The following ABHD2 variants were observed in gnomAD, a reference collection of about 807,000 sequenced individuals.
ABHD2 encodes abhydrolase domain containing 2, acylglycerol lipase, also known as monoacylglycerol lipase ABHD2.
Under a neutral mutation model 48.1 loss-of-function variants are expected in ABHD2, and 20 were observed. The ratio of observed to expected loss-of-function variants is 0.42; its 90% CI spans 0.29 to 0.60. The LOEUF (loss-of-function observed/expected upper bound fraction) is 0.60. Ranked by LOEUF, ABHD2 falls within the 20% of genes least tolerant of loss-of-function variation. The pLI is 0.24. For missense variants in ABHD2, 405 were observed against 550.9 expected, an observed-to-expected ratio of 0.74 and a Z score of 2.65; for synonymous variants, 209 against 214.2, an observed-to-expected ratio of 0.98 and a Z score of 0.21.
In ABHD2 at chr15:89,174,280, T is replaced by TA. The variant is rs2050975294; in HGVS notation, c.539-1531dup. On this transcript the variant is annotated intron_variant, in intron 5 of 10. Transcript: ENST00000352732. The surrounding 1 kb of genome is among the most constrained non-coding windows in gnomAD (Gnocchi z 4.1). Reference sequence around the variant, plus strand: ...ATTTTTAAAAAGAATATAGGAAACTTACCTTTCACTCCATCTTTTACAGCA... The same window carrying TA: ...ATTTTTAAAAAGAATATAGGAAACTTAACCTTTCACTCCATCTTTTACAGCA... Among the ~76,000 whole-genome samples the TA allele has an allele frequency of 6.6e-6, 1 of 152,200 alleles. No homozygotes were observed. Among genetic ancestry groups the TA allele is most frequent in the African/African-American group, 2.4e-5 (1 of 41,442 alleles).
chr15:89,156,348 C>A (rs1432268188), intron 5 of ABHD2, among the ~76,000 whole-genome samples: 1 of 151,960 alleles, frequency 6.6e-6, no homozygotes, highest in African/African-American at 2.4e-5. Context: ...GTCTCGATCT[C>A]CTGACCTCGT....
the ABHD2 span, among the ~76,000 whole-genome samples, chr15:89,077,940 T>A: frequency 6.6e-6 from 1 of 152,278 alleles, no homozygotes; most frequent in Admixed American, 6.5e-5. Context: ...AAACTCAGCC[T>A]CTCCCCTGCT....
At chr15:89,074,369 C>G in the ABHD2 span, among the ~76,000 whole-genome samples, 122 of 150,966 alleles carry the variant, frequency 8.1e-4, 1 homozygote, top group African/African-American at 2.9e-3. Flanking sequence ...GAGCGAAACT[C>G]CATCTGAAAA....
chr15:89,150,762 G>A (rs919936464), intron 3 of ABHD2, among the ~76,000 whole-genome samples: 20 of 152,262 alleles, frequency 1.3e-4, no homozygotes, highest in African/African-American at 2.4e-4. Context: ...AATGATTGAC[G>A]TCACTATCAT....
intron 1 of ABHD2, among the ~76,000 whole-genome samples, chr15:89,099,402 C>G (rs1168789357): frequency 6.6e-6 from 1 of 151,926 alleles, no homozygotes; most frequent in Admixed American, 6.6e-5. Flanking sequence ...TAGTTGGAGA[C>G]CAGCCTGGAA....
chr15:89,106,784 G>A lies in ABHD2; in HGVS notation c.-106-6941G>A, dbSNP rs2049793118. Among the ~76,000 whole-genome samples, 1 of 152,150 alleles carries A rather than the reference G, an allele frequency of 6.6e-6. No individual in the cohort carries two copies. The highest frequency in any genetic ancestry group is 2.1e-4 in the South Asian group (1 of 4,836). On this transcript the variant is annotated intron_variant, in intron 1 of 10. Transcript: ENST00000352732. This position sits in a 1 kb window ranked among gnomAD's most constrained non-coding sequence, Gnocchi z 4.2. ...TGACCACTTTTATCTGGTGTAGCAA[G>A]TTCAATAGTGACCCTCCAAAATTTA...
intron 3 of ABHD2, among the ~76,000 whole-genome samples, chr15:89,142,884 A>C (rs900617892): frequency 6.6e-6 from 1 of 152,184 alleles, no homozygotes; most frequent in Non-Finnish European, 1.5e-5. Flanking sequence ...GGAGGGGTTG[A>C]ACCCAGTGAC....
chr15:89,048,908 A>ATCCTCCGTCCAGC, the ABHD2 span, among the ~76,000 whole-genome samples: 1 of 122,358 alleles, frequency 8.2e-6, no homozygotes, highest in Non-Finnish European at 1.7e-5. Flanking sequence ...CGTCAAAGTC[A>ATCCTCCGTCCAGC]TTTGTTCCGT....
rs2050849828 is a variant in ABHD2, at chr15:89,167,129, C to T, written c.539-8683C>T. Among the ~76,000 whole-genome samples the T allele has an allele frequency of 6.6e-6, 1 of 152,190 alleles. No homozygotes were observed. The highest frequency in any genetic ancestry group is 1.5e-5 in the Non-Finnish European group (1 of 68,036). Reference sequence around the variant, plus strand: ...CCAAGACATCTCACTGTAAGAGCTTCAGGCAGTGATTTTTAAGGAACTTCT... The same window carrying T: ...CCAAGACATCTCACTGTAAGAGCTTTAGGCAGTGATTTTTAAGGAACTTCT... On this transcript the variant is annotated intron_variant, in intron 5 of 10. Coordinates refer to ENST00000352732, the MANE Select transcript of ABHD2 (RefSeq NM_152924.5). This position sits in a 1 kb window ranked among gnomAD's most constrained non-coding sequence, Gnocchi z 5.5.
chr15:89,192,056 G>A (rs1470994394), intron 9 of ABHD2, among the ~76,000 whole-genome samples: 7 of 152,186 alleles, frequency 4.6e-5, no homozygotes, highest in Admixed American at 4.6e-4. Context: ...TGACCAACAA[G>A]CCAGTCCCTC....
chr15:89,070,735 G>C, the ABHD2 span, among the ~76,000 whole-genome samples: 1 of 152,260 alleles, frequency 6.6e-6, no homozygotes, highest in East Asian at 1.9e-4. Context: ...CTCTAGAATA[G>C]CATGTGGACA....
Position 89,166,574 on chromosome 15 carries a change from G to A in ABHD2, c.539-9238G>A, listed in dbSNP as rs1254247989. Among the ~76,000 whole-genome samples, 1 of 151,944 alleles carries A rather than the reference G, an allele frequency of 6.6e-6. No homozygotes were observed. Among genetic ancestry groups the A allele is most frequent in the Non-Finnish European group, 1.5e-5 (1 of 67,980 alleles). Reference sequence around the variant, plus strand: ...AGCCTGGGTGACAGAGTGAGACCCTGTCTCAAAAACAAAACAAAAATTATC... The same window carrying A: ...AGCCTGGGTGACAGAGTGAGACCCTATCTCAAAAACAAAACAAAAATTATC... On this transcript the variant is annotated intron_variant, in intron 5 of 10. Coordinates refer to ENST00000352732, the MANE Select transcript of ABHD2 (RefSeq NM_152924.5). This position sits in a 1 kb window ranked among gnomAD's most constrained non-coding sequence, Gnocchi z 4.6.
At position 89,164,091 on chromosome 15, in the gene ABHD2, T is replaced by G. The variant is rs908436528; in HGVS notation, c.538+8557T>G. Among the ~76,000 whole-genome samples, 5 of 152,214 alleles carry G rather than the reference T, an allele frequency of 3.3e-5. No homozygotes were observed. Among genetic ancestry groups the G allele is most frequent in the Admixed American group, 2.0e-4 (3 of 15,284 alleles). ...CAGAATTGGACCTGTGGGTTTGGTC[T>G]TTGATCTTTTGTTCAGCCAGCATCC... On this transcript the variant is annotated intron_variant, in intron 5 of 10. Coordinates refer to ENST00000352732, the MANE Select transcript of ABHD2 (RefSeq NM_152924.5). The surrounding 1 kb of genome is among the most constrained non-coding windows in gnomAD (Gnocchi z 5.0).
chr15:89,076,073 T>C, the ABHD2 span, among the ~76,000 whole-genome samples: 2 of 152,216 alleles, frequency 1.3e-5, no homozygotes, highest in Non-Finnish European at 2.9e-5. Flanking sequence ...CTTTCTCCTT[T>C]AGTCCTGTGA....
intron 3 of ABHD2, among the ~76,000 whole-genome samples, chr15:89,149,761 TG>T (rs2150884341): frequency 6.6e-6 from 1 of 152,340 alleles, no homozygotes; most frequent in East Asian, 1.9e-4. Flanking sequence ...TGGCTGGAGT[TG>T]GGCCTGGTAG....
At chr15:89,068,752 C>CAGTTTTTTTTTTT in the ABHD2 span, among the ~76,000 whole-genome samples, 2 of 85,180 alleles carry the variant, frequency 2.3e-5, no homozygotes, top group Non-Finnish European at 4.5e-5. Context: ...GGCAAGCTTC[C>CAGTTTTTTTTTTT]TCTTTTTTTT....
At chr15:89,099,675 T>A (rs1431453656) in intron 1 of ABHD2, among the ~76,000 whole-genome samples, 1 of 149,270 alleles carries the variant, frequency 6.7e-6, no homozygotes, top group South Asian at 2.1e-4. Flanking sequence ...ATCCCAGCAC[T>A]TTGGGAGGCC....
rs1252892590 is a variant in ABHD2 at position 89,155,837 on chromosome 15, G to T, written c.538+303G>T. 6.6e-6 allele frequency among the ~76,000 whole-genome samples: 1 copy of T among 152,118 alleles called. No individual in the cohort carries two copies. The highest frequency in any genetic ancestry group is 2.1e-4 in the South Asian group (1 of 4,822). ...GCAGGGCTGGGAGCCAGGTAGATCG[G>T]GTAGCAGAGCTCATGACCTTCAGGA... On this transcript the variant is annotated intron_variant, in intron 5 of 10. Transcript: ENST00000352732. The surrounding 1 kb of genome is among the most constrained non-coding windows in gnomAD (Gnocchi z 4.9).
At chr15:89,129,306 C>G (rs544952061) in intron 3 of ABHD2, among the ~76,000 whole-genome samples, 43 of 152,124 alleles carry the variant, frequency 2.8e-4, no homozygotes, top group African/African-American at 9.9e-4. Context: ...AGGGAGAGAA[C>G]CAGCAGCCTC....
Sources: gnomAD v4.1 joint callset for allele counts (sites outside exome capture counted in the v4.1 genomes callset) on GRCh38, gnomAD v4.1.1 for gene constraint, Gnocchi (gnomAD v3.1) non-coding constraint, MANE v1.5 for transcripts, NCBI Gene and HGNC (gene_info 2026-07-23, HGNC 2026-07-21) for gene names.